The following ME3 variants were observed in gnomAD, a reference collection of about 807,000 sequenced individuals.
ME3 encodes the protein malic enzyme 3.
ME3 carries 48 observed loss-of-function variants against 68.9 expected under a neutral mutation model. The ratio of observed to expected loss-of-function variants is 0.70; its 90% CI spans 0.55 to 0.89. ME3 has a LOEUF of 0.89. Among genes scored for constraint, ME3 ranks in the 40% least tolerant of loss-of-function variants. The probability of loss-of-function intolerance (pLI) is 0.00; values close to 1 mark genes in which losing one functional copy is unlikely to be tolerated. For synonymous variants in ME3, 320 were observed against 318.8 expected (o/e 1.00, Z -0.04); for missense variants, 675 against 797.4 (o/e 0.85, Z 1.85).
intron 2 of ME3, among the ~76,000 whole-genome samples, chr11:86,612,338 G>T (rs543284824): frequency 6.6e-6 from 1 of 152,288 alleles, no homozygotes; most frequent in East Asian, 1.9e-4. Context: ...TTGGTTCTAT[G>T]TCTTTGCTAT....
At chr11:86,541,960 G>A (rs930481270) in intron 4 of ME3, among the ~76,000 whole-genome samples, 16 of 152,200 alleles carry the variant, frequency 1.1e-4, no homozygotes, top group Admixed American at 9.2e-4. Flanking sequence ...GAAAGGAGCA[G>A]GCAGCAATTT....
At chr11:86,465,111 A>G (rs761137599) in exon 8 of ME3, 2 of 1,613,288 alleles carry the variant, frequency 1.2e-6, no homozygotes, top group East Asian at 4.5e-5. Flanking sequence ...ATCATTGAAC[A>G]TGCAGTACTT....
intron 2 of ME3, among the ~76,000 whole-genome samples, chr11:86,603,466 T>C (rs1961067905): frequency 6.6e-6 from 1 of 152,152 alleles, no homozygotes; most frequent in Non-Finnish European, 1.5e-5. Context: ...CTGGAGAGGA[T>C]GTGGAGAAAT....
At chr11:86,654,783 A>G (rs1454520525) in intron 2 of ME3, among the ~76,000 whole-genome samples, 1 of 152,192 alleles carries the variant, frequency 6.6e-6, no homozygotes, top group Non-Finnish European at 1.5e-5. Flanking sequence ...AGGTCATTCA[A>G]TTAGGAAAAG....
chr11:86,521,549 C>G (rs935570525), intron 4 of ME3, among the ~76,000 whole-genome samples: 3 of 151,904 alleles, frequency 2.0e-5, no homozygotes, highest in Admixed American at 2.0e-4. Flanking sequence ...AAAGGAGCCT[C>G]TCTTTAAATT....
At position 86,450,294 on chromosome 11, in the gene ME3, C is replaced by T. The variant is rs1356778296; in HGVS notation, c.1017+7G>A. ...GAGCAACCAAAGAAACCCTCAATGC[C>T]ACATACCTCGCCTGCACCTTGGAAA... On this transcript the variant is annotated splice_region_variant and intron_variant, in intron 9 of 14. Coordinates refer to ENST00000543262, the Ensembl canonical transcript of ME3. 5.0e-6 allele frequency: 8 copies of T among 1,613,624 alleles called. No individual in the cohort carries two copies. The highest frequency in any genetic ancestry group is 1.7e-5 in the Admixed American group (1 of 59,996).
At chr11:86,641,409 A>C (rs868123872) in intron 2 of ME3, among the ~76,000 whole-genome samples, 1 of 152,204 alleles carries the variant, frequency 6.6e-6, no homozygotes, top group African/African-American at 2.4e-5. Context: ...ATGCTTCCTC[A>C]TGGAAAGCAT....
At chr11:86,608,279 G>A (rs1003606978) in intron 2 of ME3, among the ~76,000 whole-genome samples, 1 of 152,094 alleles carries the variant, frequency 6.6e-6, no homozygotes, top group Non-Finnish European at 1.5e-5. Flanking sequence ...ATACTGCCGT[G>A]TACCTCTTGA....
chr11:86,517,635 C>G (rs1953980660), intron 4 of ME3, among the ~76,000 whole-genome samples: 1 of 152,172 alleles, frequency 6.6e-6, no homozygotes, highest in Admixed American at 6.5e-5. Flanking sequence ...GTTCTTTCAA[C>G]AGACCTCTGG....
chr11:86,486,404 C>A (rs941680820), intron 7 of ME3, among the ~76,000 whole-genome samples: 2 of 152,222 alleles, frequency 1.3e-5, no homozygotes, highest in Admixed American at 6.5e-5. Context: ...GGTCACATAT[C>A]TGAAAAGTGG....
intron 2 of ME3, among the ~76,000 whole-genome samples, chr11:86,659,746 C>T (rs971455926): frequency 2.0e-5 from 3 of 152,146 alleles, no homozygotes; most frequent in African/African-American, 7.2e-5. Context: ...CCTAAATTCC[C>T]ATGGTAGACA....
intron 7 of ME3, among the ~76,000 whole-genome samples, chr11:86,478,619 A>G (rs1438609111): frequency 6.6e-6 from 1 of 152,214 alleles, no homozygotes; most frequent in Non-Finnish European, 1.5e-5. Flanking sequence ...ATTGCTCACT[A>G]CATCAAGTCT....
chr11:86,513,280 C>G (rs1279993563), intron 4 of ME3, among the ~76,000 whole-genome samples: 1 of 152,140 alleles, frequency 6.6e-6, no homozygotes, highest in African/African-American at 2.4e-5. Context: ...TAATTTCATG[C>G]TCTGCTCTGC....
chr11:86,647,803 T>C (rs1373283611), intron 2 of ME3, among the ~76,000 whole-genome samples: 3 of 152,106 alleles, frequency 2.0e-5, no homozygotes, highest in African/African-American at 4.8e-5. Flanking sequence ...CACACAATAA[T>C]AGTGGGAGAC....
At chr11:86,576,640 G>A (rs553035763) in intron 2 of ME3, among the ~76,000 whole-genome samples, 6 of 152,160 alleles carry the variant, frequency 3.9e-5, no homozygotes, top group Non-Finnish European at 8.8e-5. Context: ...ATACTGGTAA[G>A]AGCCCCTTCT....
intron 2 of ME3, among the ~76,000 whole-genome samples, chr11:86,571,637 A>C (rs7940549): frequency 0.12 from 18,668 of 152,242 alleles, 1,423 homozygotes; most frequent in African/African-American, 0.22. Flanking sequence ...TCTTTCCCAC[A>C]TGGCGGATCA....
At chr11:86,537,401 T>G (rs752324061) in intron 4 of ME3, among the ~76,000 whole-genome samples, 2 of 152,086 alleles carry the variant, frequency 1.3e-5, no homozygotes, top group Non-Finnish European at 2.9e-5. Context: ...GGAATAACTA[T>G]CACTGTGCAC....
chr11:86,602,308 TAACAGACA>T (rs1960829838), intron 2 of ME3, among the ~76,000 whole-genome samples: 2 of 146,990 alleles, frequency 1.4e-5, no homozygotes, highest in African/African-American at 2.5e-5. Flanking sequence ...TATACACCAA[TAACAGACA>T]AACAGAGAGC....
chr11:86,443,402 C>T (rs1352070406), intron 13 of ME3, among the ~76,000 whole-genome samples: 1 of 152,200 alleles, frequency 6.6e-6, no homozygotes, highest in Non-Finnish European at 1.5e-5. Context: ...GCCTCTCCTC[C>T]AGTGAGTGAT....
Sources: gnomAD v4.1 joint callset for allele counts (sites outside exome capture counted in the v4.1 genomes callset) on GRCh38, gnomAD v4.1.1 for gene constraint, MANE v1.5 for transcripts, NCBI Gene and HGNC (gene_info 2026-07-23, HGNC 2026-07-21) for gene names.